The following TSPAN11 variants were observed in gnomAD, a reference collection of about 807,000 sequenced individuals.
TSPAN11 encodes the protein tetraspanin 11, also known as tetraspanin-11.
A neutral mutation model predicts 32.9 loss-of-function variants in TSPAN11; 29 were observed. The ratio of observed to expected loss-of-function variants is 0.88; its 90% CI spans 0.66 to 1.20. The LOEUF (loss-of-function observed/expected upper bound fraction) is 1.20. Ranked by LOEUF, TSPAN11 falls within the 50% of genes most tolerant of loss-of-function variation. The pLI, the probability that TSPAN11 is intolerant of heterozygous loss-of-function variation, is 0.00. For missense variants in TSPAN11, 283 were observed against 329.1 expected (o/e 0.86, Z 1.08); for synonymous variants, 140 against 141.3 (o/e 0.99, Z 0.07).
In TSPAN11 at chr12:30,940,135, G is replaced by A. The variant is rs145943378; in HGVS notation, c.-12+13339G>A. Among the ~76,000 whole-genome samples, 180 of 152,324 alleles carry A rather than the reference G, an allele frequency of 1.2e-3. 1 individual carries two copies. The highest frequency in any genetic ancestry group is 3.6e-3 in the African/African-American group (149 of 41,568). On this transcript the variant is annotated intron_variant, in intron 1 of 7. Coordinates refer to ENST00000546076, the MANE Select transcript of TSPAN11 (RefSeq NM_001370302.1). ...ATCTACACAGAAATGCATCCTGCAC[G>A]TTCCCACAGGTGCATGCCATAGAAG...
intron 3 of TSPAN11, among the ~76,000 whole-genome samples, chr12:30,977,869 A>G (rs1273408217): frequency 1.3e-5 from 2 of 152,188 alleles, no homozygotes; most frequent in Non-Finnish European, 2.9e-5. Context: ...AGGGCCATGT[A>G]GAACAGGAAA....
intron 2 of TSPAN11, among the ~76,000 whole-genome samples, chr12:30,960,578 G>C (rs552685500): frequency 6.6e-6 from 1 of 152,096 alleles, no homozygotes; most frequent in Non-Finnish European, 1.5e-5. Flanking sequence ...AGCCACTCAG[G>C]TTAATGCTTC....
At chr12:30,956,791 G>C (rs1398111373) in intron 2 of TSPAN11, among the ~76,000 whole-genome samples, 1 of 152,194 alleles carries the variant, frequency 6.6e-6, no homozygotes, top group Non-Finnish European at 1.5e-5. Context: ...ATTTTATTCA[G>C]CTGCTTGGCT....
rs888187727 is a variant in TSPAN11, at chr12:30,983,194, A to G, written c.702+44A>G. 7 of 1,564,520 alleles carry G rather than the reference A, an allele frequency of 4.5e-6. No individual in the cohort carries two copies. The Admixed American group carries it at 9.1e-5, about 20-fold the overall frequency. On this transcript the variant is annotated intron_variant, in intron 7 of 7. Transcript: ENST00000546076. ...ACTGGTGGGGGTGGAAGGGCTCTGA[A>G]CCCCTCTCCCATTGACACAGGTCTT...
chr12:31,002,795 G>T, the TSPAN11 span, among the ~76,000 whole-genome samples: 1 of 152,162 alleles, frequency 6.6e-6, no homozygotes. The surrounding 1 kb of genome is among the most constrained non-coding windows in gnomAD (Gnocchi z 4.8). Flanking sequence ...AACCTGGAGG[G>T]ATGGCCATCT....
chr12:30,950,374 C>G (rs1016593359), intron 1 of TSPAN11, among the ~76,000 whole-genome samples: 5 of 152,184 alleles, frequency 3.3e-5, no homozygotes, highest in African/African-American at 1.2e-4. Flanking sequence ...CTTTGAATAT[C>G]TGCAACATAG....
chr12:30,998,798 A>T (rs1052354189), downstream of TSPAN11: 11 of 152,212 alleles, frequency 7.2e-5, no homozygotes, highest in African/African-American at 2.7e-4. Context: ...CTTTTAAAAC[A>T]CACTGTAGTT....
the TSPAN11 span, among the ~76,000 whole-genome samples, chr12:31,009,533 A>T: frequency 3.3e-5 from 5 of 152,208 alleles, no homozygotes; most frequent in Non-Finnish European, 5.9e-5. Flanking sequence ...TGTGTGAGCC[A>T]TGAAGGAGGG....
chr12:30,964,093 G>T, intron 3 of TSPAN11, 76 bp downstream of exon 3: 3 of 1,539,296 alleles, frequency 1.9e-6, no homozygotes, highest in Non-Finnish European at 2.6e-6. Flanking sequence ...AGTGAGAGGG[G>T]CCCCAGCCCT....
At position 30,947,905 on chromosome 12, in the gene TSPAN11, C is replaced by T. The variant is rs1374996185; in HGVS notation, c.-11-6076C>T. On this transcript the variant is annotated intron_variant, in intron 1 of 7. Coordinates refer to ENST00000546076, the MANE Select transcript of TSPAN11 (RefSeq NM_001370302.1). ...CATCTGAGACAAGGCAAGTCCCTTC[C>T]GCCTATGAGCCTGTAAAATCAAAAG... Among the ~76,000 whole-genome samples the T allele has an allele frequency of 4.6e-5, 7 of 152,170 alleles. No homozygotes were observed. The East Asian group carries it at 5.8e-4, about 13-fold the overall frequency.
At chr12:30,999,375 A>C (rs1258163563), downstream of TSPAN11, 1 of 152,118 alleles carries the variant, frequency 6.6e-6, no homozygotes, top group Non-Finnish European at 1.5e-5. Flanking sequence ...AAAGAAATAA[A>C]AGAAAATATC....
the TSPAN11 span, among the ~76,000 whole-genome samples, chr12:31,012,094 C>A: frequency 6.6e-6 from 1 of 152,364 alleles, no homozygotes; most frequent in East Asian, 1.9e-4. Flanking sequence ...CCGAAGCTGG[C>A]GGGACAGACA....
chr12:30,982,132 T>G lies in TSPAN11; in HGVS notation c.457-400T>G, dbSNP rs80071765. Among the ~76,000 whole-genome samples the G allele has an allele frequency of 1.0e-3, 158 of 152,222 alleles. 1 individual carries two copies. The highest frequency in any genetic ancestry group is 3.6e-3 in the African/African-American group (150 of 41,528). On this transcript the variant is annotated intron_variant, in intron 5 of 7. Coordinates refer to ENST00000546076, the MANE Select transcript of TSPAN11 (RefSeq NM_001370302.1). ...ACCAGGCTAGATCTCTGTCCCCACGTCCTGACCCCTGGGTGACCAGGAAAC... is the reference window on the plus strand; with the variant it reads ...ACCAGGCTAGATCTCTGTCCCCACGGCCTGACCCCTGGGTGACCAGGAAAC...
At chr12:30,951,388 C>T (rs972251098) in intron 1 of TSPAN11, among the ~76,000 whole-genome samples, 2 of 152,192 alleles carry the variant, frequency 1.3e-5, no homozygotes, top group African/African-American at 4.8e-5. Flanking sequence ...AACCAGCAGT[C>T]TCTGGTCGCT....
chr12:30,970,022 C>T (rs188830360), intron 3 of TSPAN11, among the ~76,000 whole-genome samples: 1 of 152,306 alleles, frequency 6.6e-6, no homozygotes, highest in East Asian at 1.9e-4. Context: ...CTTTGTCCTC[C>T]CCTCTGTTCT....
intron 1 of TSPAN11, among the ~76,000 whole-genome samples, chr12:30,951,320 G>A (rs1008846432): frequency 2.0e-5 from 3 of 152,292 alleles, no homozygotes; most frequent in East Asian, 1.9e-4. Context: ...AGGTGACTAA[G>A]TATCTAACTA....
chr12:30,965,332 G>T (rs761220868), intron 3 of TSPAN11, among the ~76,000 whole-genome samples: 1 of 152,176 alleles, frequency 6.6e-6, no homozygotes, highest in Non-Finnish European at 1.5e-5. Context: ...ACGCCTGGAG[G>T]TCTGCCCATG....
chr12:31,004,154 C>A, the TSPAN11 span, among the ~76,000 whole-genome samples: 2 of 152,310 alleles, frequency 1.3e-5, no homozygotes, highest in South Asian at 4.1e-4. Context: ...TAGTGGATAA[C>A]CTTTGCATGC....
chr12:30,985,407 T>C (rs1206042928), intron 7 of TSPAN11, among the ~76,000 whole-genome samples: 1 of 152,156 alleles, frequency 6.6e-6, no homozygotes, highest in Non-Finnish European at 1.5e-5. Flanking sequence ...AAGCTCTAGC[T>C]GTTCCTTGGC....
Sources: allele counts gnomAD v4.1 joint callset (sites outside exome capture counted in the v4.1 genomes callset), GRCh38; gene constraint gnomAD v4.1.1; non-coding constraint Gnocchi (gnomAD v3.1); transcripts MANE v1.5; gene names NCBI Gene and HGNC (gene_info 2026-07-23, HGNC 2026-07-21).